Variants in MRPL4 observed in about 807,000 individuals in gnomAD.
The protein encoded by MRPL4 is mitochondrial ribosomal protein L4.
MRPL4 carries 34 observed loss-of-function variants against 34.1 expected under a neutral mutation model. That is an observed-to-expected ratio of 1.00 (90% CI 0.76 to 1.33). The LOEUF (loss-of-function observed/expected upper bound fraction) is 1.33. Ranked by LOEUF, MRPL4 falls within the 40% of genes most tolerant of loss-of-function variation. The probability of loss-of-function intolerance (pLI) is 0.00; values close to 1 mark genes in which losing one functional copy is unlikely to be tolerated. For synonymous variants in MRPL4, 196 were observed against 188.3 expected (o/e 1.04, Z -0.33); for missense variants, 402 against 434.6 (o/e 0.92, Z 0.67).
Position 10,254,511 on chromosome 19 carries a change from G to T in MRPL4, c.276-78G>T, listed in dbSNP as rs929453919. Reference sequence around the variant, plus strand: ...CCCAGGGCCCTGGAGGCAGAAGGGAGAATCCTGGGTTTTCCTATAGTGGGG... The same window carrying T: ...CCCAGGGCCCTGGAGGCAGAAGGGATAATCCTGGGTTTTCCTATAGTGGGG... On this transcript the variant is annotated intron_variant, in intron 3 of 8. Transcript: ENST00000253099. 5.1e-6 allele frequency: 8 copies of T among 1,555,400 alleles called. No homozygotes were observed. In the Admixed American group the frequency reaches 5.2e-5, roughly 10 times the overall value.
At chr19:10,258,150 C>A in intron 5 of MRPL4, 72 bp from the exon 6 acceptor site, 2 of 1,086,108 alleles carry the variant, frequency 1.8e-6, no homozygotes, top group Non-Finnish European at 1.4e-6. Context: ...CCCATGCCAG[C>A]CACTGCAGCA....
At chr19:10,253,741 GTGATT>G (rs2039821979) in intron 3 of MRPL4, among the ~76,000 whole-genome samples, 1 of 151,492 alleles carries the variant, frequency 6.6e-6, no homozygotes, top group Non-Finnish European at 1.5e-5. Context: ...GCAGTGAGCC[GTGATT>G]ATACTACTGC....
chr19:10,258,770 G>A (rs1413388935), intron 8 of MRPL4, 85 bp downstream of exon 8: 48 of 1,611,682 alleles, frequency 3.0e-5, no homozygotes, highest in Non-Finnish European at 3.6e-5. Flanking sequence ...GCATCTGGTC[G>A]CTGAGTGGCC....
chr19:10,259,098 CAAAAAAAAAAAAAA>C (rs35481360), intron 8 of MRPL4: 34 of 539,838 alleles, frequency 6.3e-5, no homozygotes, highest in East Asian at 5.9e-4. Context: ...ACTCTTGTCT[CAAAAAAAAAAAAAA>C]AAAAAAAAAA....
Position 10,258,346 on chromosome 19 carries a change from C to A in MRPL4, c.552+18C>A. 2 of 1,613,546 alleles carry A rather than the reference C, an allele frequency of 1.2e-6. No homozygotes were observed. The highest frequency in any genetic ancestry group is 1.7e-6 in the Non-Finnish European group (2 of 1,179,646). On this transcript the variant is annotated intron_variant, in intron 6 of 8. Coordinates refer to ENST00000253099, the MANE Select transcript of MRPL4 (RefSeq NM_015956.3). Reference sequence around the variant, plus strand: ...TGGCCCAGGTACAGCCATGGGGGGGCCCAGACAGCTGCTAGAGGTGGGGCT... The same window carrying A: ...TGGCCCAGGTACAGCCATGGGGGGGACCAGACAGCTGCTAGAGGTGGGGCT...
chr19:10,254,679 T>G (rs757032959), intron 4 of MRPL4, 39 bp downstream of exon 4: 1 of 1,612,134 alleles, frequency 6.2e-7, no homozygotes, highest in East Asian at 2.2e-5. Context: ...GGAAGGAGCT[T>G]CCTGGGGAGG....
Position 10,254,905 on chromosome 19 carries a change from A to G in MRPL4, c.327+265A>G, listed in dbSNP as rs2039834716. 1.1e-5 allele frequency: 3 copies of G among 271,476 alleles called. No individual in the cohort carries two copies. In the South Asian group the frequency reaches 1.4e-4, roughly 13 times the overall value. 16.8% of individuals were successfully genotyped at this position (271,476 alleles called of 1,614,324 possible). ...CTGCAACCTCCGCTTCCTGGGTTCA[A>G]GCGATTCTCCTGCCTCTGCCTCCTG... On this transcript the variant is annotated intron_variant, in intron 4 of 8. Transcript: ENST00000253099.
rs978093887 is a variant in MRPL4 at position 10,259,845 on chromosome 19, C to A, written c.*32C>A. ...GCACCTCTTCTGAGCCAGGCCGAGCCCCTGGCCGACTTGGGAGCCTCAGGC... is the reference window on the plus strand; with the variant it reads ...GCACCTCTTCTGAGCCAGGCCGAGCACCTGGCCGACTTGGGAGCCTCAGGC... On this transcript the variant is annotated 3_prime_UTR_variant, in exon 9 of 9. Transcript: ENST00000253099. 1.3e-6 allele frequency: 2 copies of A among 1,566,340 alleles called. No individual in the cohort carries two copies. Among genetic ancestry groups the A allele is most frequent in the Admixed American group, 3.6e-5 (2 of 54,878 alleles).
intron 8 of MRPL4, 130 bp downstream of exon 8, chr19:10,258,815 A>G: frequency 6.3e-7 from 1 of 1,598,282 alleles, no homozygotes; most frequent in Non-Finnish European, 8.5e-7. Context: ...CCCAACCTTC[A>G]GCTTGCCCAA....
chr19:10,256,833 G>A lies in MRPL4; in HGVS notation c.445+8G>A. On this transcript the variant is annotated splice_region_variant and intron_variant, in intron 5 of 8. Transcript: ENST00000253099. The stretch of plus-strand genomic sequence containing the variant: ...CTCCGCTCTGGCGAGGAGGTAACAG[G>A]ACAGGGTGGAGGGGGCGGGGAGGGG... The A allele has an allele frequency of 8.7e-7, 1 of 1,155,060 alleles. No individual in the cohort carries two copies. Among genetic ancestry groups the A allele is most frequent in the East Asian group, 3.4e-5 (1 of 29,778 alleles). The allele number at this position is 1,155,060 out of a possible 1,614,324, so 71.6% of individuals were successfully genotyped here.
At position 10,252,439 on chromosome 19, in the gene MRPL4, A is replaced by G. The variant is rs537181699; in HGVS notation, c.100A>G (p.Asn34Asp). The G allele has an allele frequency of 1.9e-4, 305 of 1,613,988 alleles. 1 individual carries two copies. In the South Asian group the frequency reaches 3.1e-3, roughly 16 times the overall value. Residue 34 changes from asparagine to aspartate, a missense_variant, in exon 2 of 9, where the codon AAC (asparagine) becomes GAC (aspartate). By Grantham distance (23) the Asn-to-Asp change is conservative. Coordinates refer to ENST00000253099, the MANE Select transcript of MRPL4 (RefSeq NM_015956.3). ...GGAAGAGGCAGCGCGTGCGACCGAG[A>G]ACCCGGAGCAGGTGGCGAGCGAGGG... ...LAEEAARATE[N>D]PEQVASEGLP...
In MRPL4 at chr19:10,259,459, C is replaced by T. The variant is rs76025617; in HGVS notation, c.740-158C>T. 5,884 of 1,432,794 alleles carry T rather than the reference C, an allele frequency of 4.1e-3. 182 individuals are homozygous for T. The African/African-American group carries it at 0.074, about 18-fold the overall frequency. The allele number at this position is 1,432,794 out of a possible 1,614,324, so 88.8% of individuals were successfully genotyped here. On this transcript the variant is annotated intron_variant, in intron 8 of 8. Coordinates refer to ENST00000253099, the MANE Select transcript of MRPL4 (RefSeq NM_015956.3). ...CCAGAGGCTTACAGGCAACAAGCGG[C>T]CAGGCAGGGTCTGGCCCCGGGCTGC...
chr19:10,256,285 C>CA lies in MRPL4; in HGVS notation c.328-412dup, dbSNP rs906552520. ...TGGGCGACAGAGCGAGACTCCATCT[C>CA]AAAAAAAAAAATTAGCCGGGCATGG... On this transcript the variant is annotated intron_variant, in intron 4 of 8. Transcript: ENST00000253099. Among the ~76,000 whole-genome samples, 463 of 145,078 alleles carry CA rather than the reference C, an allele frequency of 3.2e-3. 6 individuals carry two copies. Among genetic ancestry groups the CA allele is most frequent in the African/African-American group, 0.011 (446 of 39,820 alleles).
chr19:10,257,284 ACT>A (rs886960855), intron 5 of MRPL4, among the ~76,000 whole-genome samples: 4 of 151,324 alleles, frequency 2.6e-5, no homozygotes, highest in Non-Finnish European at 4.4e-5. Flanking sequence ...GGCAGAGATG[ACT>A]CTCTCTTGTT....
At chr19:10,252,860 C>T (rs1044775914) in intron 3 of MRPL4, 159 bp downstream of exon 3, 6 of 1,069,746 alleles carry the variant, frequency 5.6e-6, no homozygotes, top group Admixed American at 5.6e-5. Context: ...GTTTCCCCTG[C>T]TGTAGCGCTG....
chr19:10,252,311 G>T lies in MRPL4; in HGVS notation c.57+1G>T. 1.2e-6 allele frequency: 2 copies of T among 1,610,794 alleles called. No individual in the cohort carries two copies. The highest frequency in any genetic ancestry group is 1.7e-6 in the Non-Finnish European group (2 of 1,178,216). ...CTGGCTTCGGCCTACCGGCAGCCAG[G>T]TGAGGCCAGGGGCTGGAGGCGTGGT... On this transcript the variant is annotated splice_donor_variant, in intron 1 of 8. Coordinates refer to ENST00000253099, the MANE Select transcript of MRPL4 (RefSeq NM_015956.3). LOFTEE classifies it high-confidence loss of function.
Position 10,252,548 on chromosome 19 carries a change from C to T in MRPL4, c.125-3C>T. On this transcript the variant is annotated splice_region_variant and splice_polypyrimidine_tract_variant and intron_variant, in intron 2 of 8. Coordinates refer to ENST00000253099, the MANE Select transcript of MRPL4 (RefSeq NM_015956.3). ...TAACCTCTGACCCCCGCAATCGCTC[C>T]AGGTCTCCCGGAGCCCGTGCTGCGC... The T allele has an allele frequency of 6.2e-7, 1 of 1,613,182 alleles. No individual in the cohort carries two copies. Among genetic ancestry groups the T allele is most frequent in the East Asian group, 2.2e-5 (1 of 44,856 alleles).
intron 4 of MRPL4, 110 bp downstream of exon 4, chr19:10,254,750 C>T (rs950978039): frequency 4.4e-5 from 50 of 1,127,144 alleles, no homozygotes; most frequent in South Asian, 8.3e-5. Context: ...TCGGCTGGGG[C>T]CTCATCTGTC....
chr19:10,256,599 G>GC (rs2039853595), intron 4 of MRPL4, 109 bp from the exon 5 acceptor site: 1 of 843,104 alleles, frequency 1.2e-6, no homozygotes, highest in African/African-American at 1.8e-5. Context: ...GCCAGAGAGA[G>GC]CCCGTCATCA....
Sources: gnomAD v4.1 joint callset for allele counts (sites outside exome capture counted in the v4.1 genomes callset) on GRCh38, gnomAD v4.1.1 for gene constraint, MANE v1.5 for transcripts, NCBI Gene and HGNC (gene_info 2026-07-23, HGNC 2026-07-21) for gene names.